ADGRE1: variants seen among roughly 807,000 people sequenced by gnomAD.
ADGRE1 encodes the protein EGF-like module receptor 1.
ADGRE1 carries 82 observed loss-of-function variants against 102.7 expected under a neutral mutation model. The ratio of observed to expected loss-of-function variants is 0.80; its 90% CI spans 0.67 to 0.96. The LOEUF is 0.96. Among genes scored for constraint, ADGRE1 ranks in the 40% least tolerant of loss-of-function variants. The probability of loss-of-function intolerance (pLI) is 0.00; values close to 1 mark genes in which losing one functional copy is unlikely to be tolerated. For synonymous variants in ADGRE1, 398 were observed against 399.6 expected (o/e 1.00, Z 0.05); for missense variants, 1,032 against 1,085.3 (o/e 0.95, Z 0.69).
rs748429274 is a variant in ADGRE1, at chr19:6,904,194, T to C, written c.949+12T>C. The C allele has an allele frequency of 3.7e-6, 6 of 1,612,044 alleles. No homozygotes were observed. The African/African-American group carries it at 4.0e-5, about 11-fold the overall frequency. ...CTTCAGCTGCCAAAGTAATAATCTC[T>C]TTGTATGTCTTGGCAATGGAATCTG... is the stretch of plus-strand genomic sequence containing the variant. On this transcript the variant is annotated intron_variant, in intron 8 of 20. Coordinates refer to ENST00000312053, the MANE Select transcript of ADGRE1 (RefSeq NM_001974.5).
At chr19:6,898,875 G>A (rs1407758489) in intron 5 of ADGRE1, among the ~76,000 whole-genome samples, 1 of 151,990 alleles carries the variant, frequency 6.6e-6, no homozygotes, top group Non-Finnish European at 1.5e-5. Flanking sequence ...TACATGTTAG[G>A]TAGGTCTCTT....
At chr19:6,925,887 G>T (rs1300656174) in intron 15 of ADGRE1, among the ~76,000 whole-genome samples, 1 of 151,656 alleles carries the variant, frequency 6.6e-6, no homozygotes, top group African/African-American at 2.4e-5. Context: ...TATAGAGAGG[G>T]GGGTTTCATC....
At chr19:6,896,798 A>G (rs775029327) in intron 3 of ADGRE1, 171 of 454,600 alleles carry the variant, frequency 3.8e-4, no homozygotes, top group Non-Finnish European at 5.9e-4. Context: ...CTTCCTTGCT[A>G]CTTCCCCACC....
At position 6,887,811 on chromosome 19, in the gene ADGRE1, A is replaced by C. The variant is rs111722702; in HGVS notation, c.31+172A>C. 2.6e-4 allele frequency among the ~76,000 whole-genome samples: 39 copies of C among 152,320 alleles called. No homozygotes were observed. The Middle Eastern group carries it at 0.01, about 40-fold the overall frequency. ...AAAATTCCATAGCTCAGGGAAGTCC[A>C]TCTGTTAGGATAGATTTTTCTCTAT... is the stretch of plus-strand genomic sequence containing the variant. On this transcript the variant is annotated intron_variant, in intron 1 of 20. Coordinates refer to ENST00000312053, the MANE Select transcript of ADGRE1 (RefSeq NM_001974.5).
intron 2 of ADGRE1, among the ~76,000 whole-genome samples, chr19:6,891,889 G>T (rs955958117): frequency 6.6e-6 from 1 of 152,152 alleles, no homozygotes; most frequent in Non-Finnish European, 1.5e-5. Context: ...GGCATGTCTG[G>T]TGGCCAGAAC....
chr19:6,916,015 C>T (rs137960312), intron 11 of ADGRE1, among the ~76,000 whole-genome samples: 58 of 151,920 alleles, frequency 3.8e-4, no homozygotes, highest in African/African-American at 1.4e-3. Flanking sequence ...CCCTGATGCA[C>T]CCCCTAGGAG....
chr19:6,904,338 T>C (rs1017019058), intron 8 of ADGRE1, among the ~76,000 whole-genome samples, 156 bp downstream of exon 8: 1 of 146,186 alleles, frequency 6.8e-6, no homozygotes, highest in East Asian at 2.0e-4. Context: ...TTTCAACAAA[T>C]GATTTTTGGA....
chr19:6,909,884 G>A (rs929060771), intron 10 of ADGRE1, among the ~76,000 whole-genome samples: 15 of 151,962 alleles, frequency 9.9e-5, no homozygotes, highest in African/African-American at 2.4e-4. Context: ...ACAGGCATGC[G>A]CCACCATGCC....
Position 6,940,313 on chromosome 19 carries a change from A to ATCT in ADGRE1, c.*284_*285insTCT. ...ACCCAAATTCAATGGCATGACCAAGAACACCTGGCTACCATTTTGTTTTCT... is the reference window on the plus strand; with the variant it reads ...ACCCAAATTCAATGGCATGACCAAGATCTACACCTGGCTACCATTTTGTTTTCT... On this transcript the variant is annotated 3_prime_UTR_variant, in exon 21 of 21. Transcript: ENST00000312053. The ATCT allele has an allele frequency of 3.7e-6, 2 of 534,156 alleles. No individual in the cohort carries two copies. Among genetic ancestry groups the ATCT allele is most frequent in the Non-Finnish European group, 6.7e-6 (2 of 298,154 alleles). The allele number at this position is 534,156 out of a possible 1,614,324, so 33.1% of individuals were successfully genotyped here.
chr19:6,896,480 A>G lies in ADGRE1; in HGVS notation c.177A>G (p.Lys59=), dbSNP rs1425560529. The G allele has an allele frequency of 6.2e-7, 1 of 1,614,126 alleles. No individual in the cohort carries two copies. ...TGGACAGTTACTATTGCGCTTGCAA[A>G]CAAGGCTTCCTGTCCAGCAATGGGC... ...NTVDSYYCAC[K]QGFLSSNGQN... is the part of the protein sequence containing the mutation. The change falls in exon 3 of 21, where the codon AAA becomes AAG. Residue 59 remains lysine, a synonymous_variant. Transcript: ENST00000312053.
In ADGRE1 at chr19:6,919,639, C is replaced by A. The variant is rs1974555836; in HGVS notation, c.1512C>A (p.Thr504=). The change falls in exon 13 of 21, where the codon ACC becomes ACA. Residue 504 remains threonine, a synonymous_variant. Transcript: ENST00000312053. ...FFKDHQAPLT[T]SEIKLKMNSR... ...AAGACCACCAGGCTCCCTTGACCAC[C>A]TCTGAGATCAAGCTGAAGATGAATT... The A allele has an allele frequency of 6.2e-7, 1 of 1,613,426 alleles. No homozygotes were observed. The highest frequency in any genetic ancestry group is 1.3e-5 in the African/African-American group (1 of 74,726).
intron 13 of ADGRE1, among the ~76,000 whole-genome samples, chr19:6,920,231 C>CT (rs1555715827): frequency 0.026 from 2,050 of 79,770 alleles, 36 homozygotes; most frequent in African/African-American, 0.14. Context: ...GTGGTTGCTT[C>CT]TTTTTTTTTT....
intron 9 of ADGRE1, among the ~76,000 whole-genome samples, chr19:6,907,424 C>T (rs760052377): frequency 5.9e-5 from 9 of 151,856 alleles, no homozygotes; most frequent in South Asian, 2.1e-4. Context: ...CTGCAACCTC[C>T]GCCTCCTGGG....
At chr19:6,919,095 C>T (rs1035399242) in intron 12 of ADGRE1, among the ~76,000 whole-genome samples, 2 of 151,718 alleles carry the variant, frequency 1.3e-5, no homozygotes, top group Non-Finnish European at 2.9e-5. Flanking sequence ...TGCAGTGGTG[C>T]GATCTCGGCT....
At chr19:6,890,796 C>A (rs1973339846) in intron 2 of ADGRE1, among the ~76,000 whole-genome samples, 1 of 152,000 alleles carries the variant, frequency 6.6e-6, no homozygotes, top group African/African-American at 2.4e-5. Flanking sequence ...ATACAGATAA[C>A]AATAGGGATG....
chr19:6,911,897 C>G (rs1015621689), intron 10 of ADGRE1, among the ~76,000 whole-genome samples: 2 of 151,168 alleles, frequency 1.3e-5, no homozygotes, highest in Non-Finnish European at 3.0e-5. Flanking sequence ...CACATACACC[C>G]CACACACATT....
Position 6,924,853 on chromosome 19 carries a change from T to C in ADGRE1, c.1967T>C (p.Ile656Thr), listed in dbSNP as rs754395278. Residue 656 changes from isoleucine to threonine, a missense_variant, in exon 15 of 21, where the codon ATA (isoleucine) becomes ACA (threonine). Coordinates refer to ENST00000312053, the MANE Select transcript of ADGRE1 (RefSeq NM_001974.5). ...LLAKTLFLAG[I>T]HKTDNKMGCA... ...GCGAAGACTCTCTTCCTCGCCGGTATACACAAGACTGACAACAAGGTCTAC... is the reference window on the plus strand; with the variant it reads ...GCGAAGACTCTCTTCCTCGCCGGTACACACAAGACTGACAACAAGGTCTAC... 3.7e-5 allele frequency: 59 copies of C among 1,614,126 alleles called. No individual in the cohort carries two copies. In the South Asian group the frequency reaches 6.1e-4, roughly 17 times the overall value.
intron 3 of ADGRE1, 173 bp downstream of exon 3, chr19:6,896,714 T>G (rs1243057263): frequency 1.4e-6 from 1 of 698,250 alleles, no homozygotes; most frequent in East Asian, 2.8e-5. Flanking sequence ...TATTGATATG[T>G]GGGGGTGTTG....
At chr19:6,939,257 A>ATATAT (rs1975571075) in intron 20 of ADGRE1, among the ~76,000 whole-genome samples, 1 of 152,162 alleles carries the variant, frequency 6.6e-6, no homozygotes. Flanking sequence ...CTATAGTTTT[A>ATATAT]ATGAAAAAGA....
Sources: gnomAD v4.1 joint callset for allele counts (sites outside exome capture counted in the v4.1 genomes callset) on GRCh38, gnomAD v4.1.1 for gene constraint, MANE v1.5 for transcripts, NCBI Gene and HGNC (gene_info 2026-07-23, HGNC 2026-07-21) for gene names.